Variants in IL1RAPL2 observed in about 807,000 individuals in gnomAD.
The protein encoded by IL1RAPL2 is interleukin 1 receptor accessory protein like 2, also known as X-linked interleukin-1 receptor accessory protein-like 2.
In IL1RAPL2, 3 loss-of-function variants were observed where a neutral mutation model predicts 44.1. The ratio of observed to expected loss-of-function variants is 0.07; its 90% CI spans 0.03 to 0.18. IL1RAPL2 has a LOEUF of 0.18. Ranked by LOEUF, IL1RAPL2 falls within the 10% of genes least tolerant of loss-of-function variation. The pLI is 1.00. For missense variants in IL1RAPL2, 391 were observed against 496.4 expected (o/e 0.79, Z 2.02); for synonymous variants, 181 against 178.8 (o/e 1.01, Z -0.10).
intron 5 of IL1RAPL2, among the ~76,000 whole-genome samples, chrX:105,426,836 G>A (rs2035814315): frequency 8.9e-6 from 1 of 111,787 alleles, no homozygotes; most frequent in South Asian, 3.7e-4. Context: ...TTTTGGCATG[G>A]CCATGTACCC....
At chrX:105,072,785 C>T (rs2032225622) in intron 2 of IL1RAPL2, among the ~76,000 whole-genome samples, 1 of 110,576 alleles carries the variant, frequency 9.0e-6, no homozygotes, top group Non-Finnish European at 1.9e-5. Context: ...GCTATCCCTC[C>T]CCTAGCTCCT....
chrX:104,710,552 A>G (rs1166155726), intron 2 of IL1RAPL2, among the ~76,000 whole-genome samples: 2 of 111,344 alleles, frequency 1.8e-5, no homozygotes, highest in Non-Finnish European at 3.8e-5. Context: ...CTAGACTGAG[A>G]TGTTCTGGGA....
chrX:104,791,965 G>A (rs1932828539), intron 2 of IL1RAPL2, among the ~76,000 whole-genome samples: 1 of 111,138 alleles, frequency 9.0e-6, no homozygotes, highest in Non-Finnish European at 1.9e-5. Context: ...TTGGTCTGCT[G>A]TTGCTAGAAA....
At chrX:105,741,095 T>TA (rs1319257276) in intron 8 of IL1RAPL2, among the ~76,000 whole-genome samples, 4 of 111,522 alleles carry the variant, frequency 3.6e-5, no homozygotes, top group East Asian at 2.8e-4. Flanking sequence ...GACTAAAAAA[T>TA]AAAAAAATAA....
intron 2 of IL1RAPL2, among the ~76,000 whole-genome samples, chrX:105,041,011 C>A (rs1204820217): frequency 1.0e-5 from 1 of 99,951 alleles, no homozygotes; most frequent in East Asian, 3.1e-4. Flanking sequence ...CTCTTGTGGG[C>A]ATTTAGTGCT....
chrX:104,909,509 C>G (rs1352571115), intron 2 of IL1RAPL2, among the ~76,000 whole-genome samples: 2 of 111,690 alleles, frequency 1.8e-5, no homozygotes, highest in African/African-American at 6.5e-5. Context: ...TGGTGATGTA[C>G]AGATGGGTTT....
At chrX:104,651,622 A>G (rs1930154586) in intron 1 of IL1RAPL2, among the ~76,000 whole-genome samples, 1 of 111,853 alleles carries the variant, frequency 8.9e-6, no homozygotes. Flanking sequence ...AGAGCTTGGC[A>G]GACTCCTAAA....
chrX:104,605,354 C>T (rs1353331885), intron 1 of IL1RAPL2, among the ~76,000 whole-genome samples: 1 of 111,532 alleles, frequency 9.0e-6, no homozygotes, highest in Non-Finnish European at 1.9e-5. Flanking sequence ...TAAATGTCCA[C>T]AAGAGAAATC....
At chrX:105,069,531 T>C (rs1364720976) in intron 2 of IL1RAPL2, among the ~76,000 whole-genome samples, 2 of 112,282 alleles carry the variant, frequency 1.8e-5, no homozygotes, top group African/African-American at 6.5e-5. Context: ...CATTATGTTG[T>C]ATGGAGCAAG....
intron 2 of IL1RAPL2, among the ~76,000 whole-genome samples, chrX:104,949,288 A>G (rs1373904009): frequency 9.1e-6 from 1 of 110,215 alleles, no homozygotes; most frequent in Admixed American, 9.7e-5. Context: ...TTTTTATTGC[A>G]TGTCTTTGAT....
At chrX:104,644,826 A>G (rs1930003168) in intron 1 of IL1RAPL2, among the ~76,000 whole-genome samples, 2 of 111,402 alleles carry the variant, frequency 1.8e-5, no homozygotes, top group Non-Finnish European at 3.8e-5. Flanking sequence ...CTTTGTGAAT[A>G]TTGTCTCCAC....
intron 6 of IL1RAPL2, among the ~76,000 whole-genome samples, chrX:105,652,430 C>G (rs759458792): frequency 1.5e-4 from 17 of 111,736 alleles, no homozygotes; most frequent in African/African-American, 5.5e-4. Context: ...CAGATGCTTT[C>G]TATTACCTGA....
intron 2 of IL1RAPL2, among the ~76,000 whole-genome samples, chrX:105,032,588 A>C (rs2031528844): frequency 8.9e-6 from 1 of 111,756 alleles, no homozygotes; most frequent in African/African-American, 3.3e-5. Flanking sequence ...GTGGTCTGAG[A>C]GACGTTTTGT....
intron 1 of IL1RAPL2, among the ~76,000 whole-genome samples, chrX:104,573,659 A>G (rs1379903991): frequency 1.8e-5 from 2 of 112,416 alleles, no homozygotes; most frequent in Non-Finnish European, 3.8e-5. Context: ...AATAAATTCC[A>G]GATAAAACTC....
intron 6 of IL1RAPL2, among the ~76,000 whole-genome samples, chrX:105,515,213 T>C (rs2036503873): frequency 8.9e-6 from 1 of 111,797 alleles, no homozygotes; most frequent in South Asian, 3.7e-4. Flanking sequence ...AAGACTTTTC[T>C]GATAAGGTCA....
chrX:104,857,917 T>C (rs1922406051), intron 2 of IL1RAPL2, among the ~76,000 whole-genome samples: 1 of 111,444 alleles, frequency 9.0e-6, no homozygotes, highest in Non-Finnish European at 1.9e-5. Context: ...TTAAAGCTAA[T>C]TGTTAGAATC....
chrX:104,580,489 C>T (rs1372693195), intron 1 of IL1RAPL2, among the ~76,000 whole-genome samples: 3 of 112,329 alleles, frequency 2.7e-5, no homozygotes, highest in Non-Finnish European at 5.6e-5. Flanking sequence ...ATTTAGTTCT[C>T]CAGAATGTAG....
At chrX:104,589,795 G>T (rs868188519) in intron 1 of IL1RAPL2, among the ~76,000 whole-genome samples, 1 of 111,000 alleles carries the variant, frequency 9.0e-6, no homozygotes, top group Admixed American at 9.6e-5. Flanking sequence ...TTGAGAAAGC[G>T]AACCACATGT....
Position 105,408,477 on chromosome X carries a change from ATT to A in IL1RAPL2, c.698-75834_698-75833del, listed in dbSNP as rs758648734. Among the ~76,000 whole-genome samples the A allele has an allele frequency of 4.5e-5, 5 of 110,411 alleles. No individual in the cohort carries two copies. In the East Asian group the frequency reaches 1.4e-3, roughly 32 times the overall value. ...TTTGGGAGAATGACATATCTTTAGT[ATT>A]TACGTAGCTTATTCTTCTATATCTA... is the stretch of plus-strand genomic sequence containing the variant. On this transcript the variant is annotated intron_variant, in intron 5 of 10. Coordinates refer to ENST00000372582, the MANE Select transcript of IL1RAPL2 (RefSeq NM_017416.2).
Sources: gnomAD v4.1 joint callset for allele counts (sites outside exome capture counted in the v4.1 genomes callset) on GRCh38, gnomAD v4.1.1 for gene constraint, MANE v1.5 for transcripts, NCBI Gene and HGNC (gene_info 2026-07-23, HGNC 2026-07-21) for gene names.